Variants in TNIP1 observed in about 807,000 individuals in gnomAD.
TNIP1 encodes TNFAIP3 interacting protein 1.
In TNIP1, 22 loss-of-function variants were observed where a neutral mutation model predicts 86.6. The observed-to-expected ratio is 0.25, with a 90% CI of 0.18 to 0.36. The LOEUF is 0.36. TNIP1 is among the 10% of genes least tolerant of loss of function. TNIP1 has a pLI of 1.00. For missense variants in TNIP1, 709 were observed against 820.6 expected (o/e 0.86, Z 1.66); for synonymous variants, 294 against 313.0 (o/e 0.94, Z 0.64).
At chr5:151,078,860 GCAGA>G (rs994143765) in intron 1 of TNIP1, among the ~76,000 whole-genome samples, 8 of 152,162 alleles carry the variant, frequency 5.3e-5, no homozygotes, top group African/African-American at 1.9e-4. Flanking sequence ...GGAGAGAGAG[GCAGA>G]CAAACAACCT....
At chr5:151,077,752 T>A (rs559604311) in intron 1 of TNIP1, among the ~76,000 whole-genome samples, 1 of 152,320 alleles carries the variant, frequency 6.6e-6, no homozygotes, top group South Asian at 2.1e-4. Context: ...TCTACCTCCA[T>A]CCCCAGGATT....
At chr5:151,056,289 T>C (rs184400680) in intron 6 of TNIP1, among the ~76,000 whole-genome samples, 10 of 152,232 alleles carry the variant, frequency 6.6e-5, no homozygotes, top group Admixed American at 2.6e-4. Flanking sequence ...GTTGGGATGG[T>C]GGTCAAGAGT....
intron 6 of TNIP1, among the ~76,000 whole-genome samples, chr5:151,053,141 A>C (rs1581812072): frequency 3.5e-5 from 4 of 114,378 alleles, no homozygotes; most frequent in Admixed American, 1.2e-4. Context: ...ACAGAGTCTC[A>C]CTCTGTTGCC....
At chr5:151,045,437 T>C (rs1425270087) in intron 9 of TNIP1, among the ~76,000 whole-genome samples, 2 of 152,138 alleles carry the variant, frequency 1.3e-5, no homozygotes, top group Non-Finnish European at 2.9e-5. Context: ...TTATGGAGCC[T>C]CCAGGCTAGT....
In TNIP1 at chr5:151,042,412, T is replaced by C. The variant is rs1758539434; in HGVS notation, c.1134+128A>G. On this transcript the variant is annotated intron_variant, in intron 11 of 17. Transcript: ENST00000521591. ...CAGGGAAGGAACGTGCCTGTGTTTT[T>C]GGTCACCTAGCTCTTTCGCACTAGA... 7 of 1,287,910 alleles carry C rather than the reference T, an allele frequency of 5.4e-6. No homozygotes were observed. The East Asian group carries it at 1.7e-4, about 31-fold the overall frequency. The allele number at this position is 1,287,910 out of a possible 1,614,324, so 79.8% of individuals were successfully genotyped here.
At chr5:151,064,928 C>A (rs757864415) in intron 2 of TNIP1, 32 bp downstream of exon 2, 1 of 1,612,954 alleles carries the variant, frequency 6.2e-7, no homozygotes, top group Non-Finnish European at 8.5e-7. Context: ...CAGGGAGGGG[C>A]GCTCGCAGGG....
intron 16 of TNIP1, 83 bp from the exon 17 acceptor site, chr5:151,032,466 C>T (rs1757032678): frequency 6.9e-6 from 9 of 1,304,776 alleles, no homozygotes; most frequent in Non-Finnish European, 4.3e-6. Flanking sequence ...AATACTAAAT[C>T]TGTATTAGTC....
rs1759665472 is a variant in TNIP1 at position 151,049,806 on chromosome 5, G to T, written c.846+18C>A. The T allele has an allele frequency of 6.8e-6, 11 of 1,614,058 alleles. No individual in the cohort carries two copies. The highest frequency in any genetic ancestry group is 9.3e-6 in the Non-Finnish European group (11 of 1,179,960). ...CCTGCAACCAAGGATGCTACAGAAG[G>T]AATTTCTGACCACATACCTGCTGCT... On this transcript the variant is annotated intron_variant, in intron 8 of 17. Coordinates refer to ENST00000521591, the MANE Select transcript of TNIP1 (RefSeq NM_006058.5).
At chr5:151,074,399 T>C (rs763020521) in intron 1 of TNIP1, among the ~76,000 whole-genome samples, 2 of 152,200 alleles carry the variant, frequency 1.3e-5, no homozygotes, top group African/African-American at 4.8e-5. Flanking sequence ...TTTTGGGGAA[T>C]TCCTCTTATA....
At chr5:151,068,005 C>T (rs748669361) in intron 1 of TNIP1, among the ~76,000 whole-genome samples, 2 of 152,134 alleles carry the variant, frequency 1.3e-5, no homozygotes, top group South Asian at 2.1e-4. Context: ...TTTCTCTTGG[C>T]GCTGGGGAGT....
In TNIP1 at chr5:151,045,154, C is replaced by T. The variant is rs774733993; in HGVS notation, c.936+707G>A. Among the ~76,000 whole-genome samples the T allele has an allele frequency of 3.9e-5, 6 of 151,994 alleles. No individual in the cohort carries two copies. The East Asian group carries it at 9.7e-4, about 24-fold the overall frequency. On this transcript the variant is annotated intron_variant, in intron 9 of 17. Transcript: ENST00000521591. ...TTGCCCAGGCTGGCACGCGGTGGCA[C>T]GGTCTCGGATCACTGCAACCTCAGC...
At position 151,042,689 on chromosome 5, in the gene TNIP1, G is replaced by A. The variant is rs768581559; in HGVS notation, c.1003-18C>T. ...TCAGTGATCTGGGTTCAGAGGCAGA[G>A]AGGAGTGTGTGAGGCAAGGATGTAG... is the stretch of plus-strand genomic sequence containing the variant. On this transcript the variant is annotated intron_variant, in intron 10 of 17. Coordinates refer to ENST00000521591, the MANE Select transcript of TNIP1 (RefSeq NM_006058.5). 3.7e-6 allele frequency: 6 copies of A among 1,613,602 alleles called. No homozygotes were observed. Among genetic ancestry groups the A allele is most frequent in the Non-Finnish European group, 4.2e-6 (5 of 1,179,976 alleles).
chr5:151,039,176 A>C lies in TNIP1; in HGVS notation c.1184T>G (p.Val395Gly). The change falls in exon 12 of 18, where the codon GTC becomes GGC. Residue 395 changes from valine (V) to glycine (G), a missense_variant. Transcript: ENST00000521591. ...GCTCAGCTGATCCTGCAGGTACTTG[A>C]CCTTTTGGCGCAGCTCCTTGGCCTC... ...TAEAKELRQK[V>G]KYLQDQLSPL... 6.2e-7 allele frequency: 1 copy of C among 1,613,790 alleles called. No homozygotes were observed. The highest frequency in any genetic ancestry group is 8.5e-7 in the Non-Finnish European group (1 of 1,179,930).
chr5:151,079,196 G>A (rs1031674220), intron 1 of TNIP1, among the ~76,000 whole-genome samples: 2 of 152,148 alleles, frequency 1.3e-5, no homozygotes, highest in African/African-American at 4.8e-5. Context: ...TTATTTTCCC[G>A]GGACACAGCC....
intron 1 of TNIP1, among the ~76,000 whole-genome samples, chr5:151,071,312 A>T (rs923056044): frequency 6.6e-6 from 1 of 152,106 alleles, no homozygotes; most frequent in Non-Finnish European, 1.5e-5. Flanking sequence ...GCAGACACAG[A>T]GTCTCATATA....
Position 151,032,374 on chromosome 5 carries a change from T to A in TNIP1, c.1789A>T (p.Thr597Ser). ...ACCCCTCCACAGGGTAGACGCCAGG[T>A]GTATTCCGGCTGCGACAAAACTGGT... ...NSRLFHLPEYTWRLPCGGVRN... is the reference protein window; with the variant it reads ...NSRLFHLPEYSWRLPCGGVRN... Residue 597 changes from threonine to serine, a missense_variant, in exon 17 of 18, where the codon ACC becomes TCC. By Grantham distance (58) the Thr-to-Ser change is moderately conservative (BLOSUM62 1). Transcript: ENST00000521591. 6.2e-7 allele frequency: 1 copy of A among 1,614,050 alleles called. No homozygotes were observed. The highest frequency in any genetic ancestry group is 1.3e-5 in the African/African-American group (1 of 75,022).
chr5:151,054,001 C>A (rs1428161159), intron 6 of TNIP1, among the ~76,000 whole-genome samples: 1 of 152,240 alleles, frequency 6.6e-6, no homozygotes, highest in Non-Finnish European at 1.5e-5. Context: ...TGCCTTCCAC[C>A]TCCCAGGCCT....
chr5:151,086,618 T>A (rs1234392356), intron 1 of TNIP1, among the ~76,000 whole-genome samples: 1 of 152,016 alleles, frequency 6.6e-6, no homozygotes, highest in South Asian at 2.1e-4. Flanking sequence ...GTCACCAACT[T>A]ACACCCACAC....
chr5:151,063,819 C>T (rs1348792983), intron 2 of TNIP1, 72 bp from the exon 3 acceptor site: 6 of 1,565,986 alleles, frequency 3.8e-6, no homozygotes, highest in Admixed American at 1.8e-5. Context: ...CGTCCCAGGC[C>T]CCTAACCGTG....
Sources: gnomAD v4.1 joint callset for allele counts (sites outside exome capture counted in the v4.1 genomes callset) on GRCh38, gnomAD v4.1.1 for gene constraint, MANE v1.5 for transcripts, NCBI Gene and HGNC (gene_info 2026-07-23, HGNC 2026-07-21) for gene names.